AGBL2: variants seen among roughly 807,000 people sequenced by gnomAD.
AGBL2 encodes AGBL carboxypeptidase 2, also known as cytosolic carboxypeptidase 2.
In AGBL2, 87 loss-of-function variants were observed where a neutral mutation model predicts 103.0. The ratio of observed to expected loss-of-function variants is 0.84; its 90% CI spans 0.71 to 1.01. The LOEUF is 1.01. Ranked by LOEUF, AGBL2 falls within the 50% of genes least tolerant of loss-of-function variation. The pLI, the probability that AGBL2 is intolerant of heterozygous loss-of-function variation, is 0.00. For synonymous variants in AGBL2, 335 were observed against 356.7 expected (o/e 0.94, Z 0.69); for missense variants, 904 against 1,023.5 (o/e 0.88, Z 1.59).
At chr11:47,712,452 A>T (rs1163537536) in intron 3 of AGBL2, among the ~76,000 whole-genome samples, 1 of 152,242 alleles carries the variant, frequency 6.6e-6, no homozygotes, top group East Asian at 1.9e-4. Flanking sequence ...AATATGAAGT[A>T]TTATGAAAAA....
At position 47,679,058 on chromosome 11, in the gene AGBL2, CAAAAAAAAAAAAA is replaced by C. The variant is rs56307962; in HGVS notation, c.2016+902_2016+914del. On this transcript the variant is annotated intron_variant, in intron 13 of 18. Coordinates refer to ENST00000525123, the MANE Select transcript of AGBL2 (RefSeq NM_024783.4). The stretch of plus-strand genomic sequence containing the variant: ...TGGGCGACAGATGGAGACCCTGTCT[CAAAAAAAAAAAAA>C]AAAAAAAAAAAAAAAAAAGAAAAGA... Among the ~76,000 whole-genome samples the C allele has an allele frequency of 1.1e-3, 30 of 28,200 alleles. 1 individual carries two copies. The highest frequency in any genetic ancestry group is 6.7e-3 in the African/African-American group (30 of 4,446). 18.5% of individuals were successfully genotyped at this position (28,200 alleles called of 152,430 possible). A position where few individuals can be genotyped will look rare whatever the true frequency, so the allele number is the denominator to read the frequency against.
rs759509350 is a variant in AGBL2 at position 47,690,138 on chromosome 11, A to G, written c.1569T>C (p.His523=). Residue 523 remains histidine (H), a synonymous_variant, in exon 10 of 19, where the codon CAT becomes CAC. Transcript: ENST00000525123. The part of the protein sequence containing the change: ...CSLAGRDLNR[H]YKTILKESFP... Reference sequence around the variant, plus strand: ...AAGACTCCTTCAGAATGGTTTTATAATGCCTGTTCAAATCCCTTCCGGCCA... The same window carrying G: ...AAGACTCCTTCAGAATGGTTTTATAGTGCCTGTTCAAATCCCTTCCGGCCA... 6.2e-7 allele frequency: 1 copy of G among 1,614,010 alleles called. No homozygotes were observed. Among genetic ancestry groups the G allele is most frequent in the Non-Finnish European group, 8.5e-7 (1 of 1,179,982 alleles).
chr11:47,714,400 A>C, intron 2 of AGBL2, 53 bp from the exon 3 acceptor site: 2 of 1,548,256 alleles, frequency 1.3e-6, no homozygotes, highest in Non-Finnish European at 1.8e-6. Context: ...ACCATAATAG[A>C]CTCAACAAAA....
Position 47,690,457 on chromosome 11 carries a change from G to C in AGBL2, c.1250C>G (p.Ser417Cys). 1 of 1,614,160 alleles carries C rather than the reference G, an allele frequency of 6.2e-7. No individual in the cohort carries two copies. The highest frequency in any genetic ancestry group is 8.5e-7 in the Non-Finnish European group (1 of 1,180,044). ...TAAAGTTTGGAGCTTGCAGAACTGA[G>C]ACTGGATAGGGTTGTTTGCCACTGA... ...LLSVANNPIQ[S>C]QFCKLQTLCR... The change falls in exon 10 of 19, where the codon TCT becomes TGT. Residue 417 changes from serine to cysteine, a missense_variant. Ser to Cys is a moderately radical substitution (Grantham distance 112). Coordinates refer to ENST00000525123, the MANE Select transcript of AGBL2 (RefSeq NM_024783.4).
At chr11:47,667,293 C>T (rs1174665285) in intron 16 of AGBL2, among the ~76,000 whole-genome samples, 1 of 152,188 alleles carries the variant, frequency 6.6e-6, no homozygotes, top group African/African-American at 2.4e-5. Flanking sequence ...TAGCCACTAC[C>T]ATTCCAGTAT....
At chr11:47,683,861 C>T (rs574044839) in intron 11 of AGBL2, among the ~76,000 whole-genome samples, 3 of 146,922 alleles carry the variant, frequency 2.0e-5, no homozygotes, top group Admixed American at 1.4e-4. Context: ...GGTGGTGAGG[C>T]GGGAGAGTTG....
chr11:47,713,835 C>T (rs912644063), intron 3 of AGBL2, among the ~76,000 whole-genome samples: 2 of 151,920 alleles, frequency 1.3e-5, no homozygotes, highest in East Asian at 2.0e-4. Context: ...GTGCTCCACC[C>T]GTCTCGGCCT....
intron 11 of AGBL2, among the ~76,000 whole-genome samples, chr11:47,685,458 G>A (rs1249290164): frequency 4.0e-5 from 6 of 150,850 alleles, no homozygotes; most frequent in African/African-American, 1.5e-4. Flanking sequence ...TTCTGCTCTT[G>A]TTGCCCAGGC....
At chr11:47,668,934 G>A (rs2097349074) in intron 14 of AGBL2, 27 bp from the exon 15 acceptor site, 1 of 1,534,806 alleles carries the variant, frequency 6.5e-7, no homozygotes, top group Admixed American at 1.7e-5. Flanking sequence ...AAAAGAAGAG[G>A]AAATAACTGT....
intron 14 of AGBL2, among the ~76,000 whole-genome samples, chr11:47,675,375 G>GT (rs34044161): frequency 0.5 from 27,469 of 55,300 alleles, 9,958 homozygotes; most frequent in Admixed American, 0.57. Context: ...CCCCTGCTAA[G>GT]TTTTTTTTTT....
intron 14 of AGBL2, among the ~76,000 whole-genome samples, chr11:47,674,163 G>C (rs2097366542): frequency 6.6e-6 from 1 of 152,112 alleles, no homozygotes; most frequent in African/African-American, 2.4e-5. Context: ...GGCAATAAAT[G>C]CTATGGAAAA....
At chr11:47,712,022 G>A (rs769739492) in intron 3 of AGBL2, among the ~76,000 whole-genome samples, 15 of 152,294 alleles carry the variant, frequency 9.8e-5, no homozygotes, top group Middle Eastern at 3.4e-3. Context: ...GCAATGAGCT[G>A]TGATTGCAAC....
chr11:47,699,418 C>T (rs1422478821), intron 8 of AGBL2, 28 bp downstream of exon 8: 1 of 1,136,354 alleles, frequency 8.8e-7, no homozygotes, highest in Non-Finnish European at 1.3e-6. Context: ...CATGATTAAC[C>T]ATTCATTGTT....
At chr11:47,700,655 T>C (rs560232827) in intron 7 of AGBL2, among the ~76,000 whole-genome samples, 9 of 152,320 alleles carry the variant, frequency 5.9e-5, no homozygotes, top group South Asian at 2.1e-4. Context: ...CTTTTCAATA[T>C]CATTTTTAGA....
intron 18 of AGBL2, among the ~76,000 whole-genome samples, chr11:47,661,882 G>T (rs1000220899): frequency 6.6e-6 from 1 of 151,846 alleles, no homozygotes; most frequent in Non-Finnish European, 1.5e-5. Flanking sequence ...CCAAGTAGCT[G>T]GGACTACAGG....
intron 10 of AGBL2, among the ~76,000 whole-genome samples, chr11:47,689,006 G>A (rs2097434689): frequency 6.6e-6 from 1 of 152,108 alleles, no homozygotes; most frequent in Non-Finnish European, 1.5e-5. Flanking sequence ...AAAGTGCTGG[G>A]ATTACAGGTG....
intron 13 of AGBL2, 68 bp downstream of exon 13, chr11:47,679,904 AG>A: frequency 9.8e-7 from 1 of 1,017,676 alleles, no homozygotes; most frequent in Non-Finnish European, 1.5e-6. Context: ...AGCCTCCCAA[AG>A]TGCTAGGATT....
rs201491938 is a variant in AGBL2, at chr11:47,690,407, C to T, written c.1300G>A (p.Val434Ile). 34 of 1,614,066 alleles carry T rather than the reference C, an allele frequency of 2.1e-5. No homozygotes were observed. The highest frequency in any genetic ancestry group is 5.0e-5 in the Admixed American group (3 of 59,976). Reference sequence around the variant, plus strand: ...GGGTTGGTGATGGTGAGCAAGTAAACGGTATTTCCTGCTAGGCTCCTGCAT... The same window carrying T: ...GGGTTGGTGATGGTGAGCAAGTAAATGGTATTTCCTGCTAGGCTCCTGCAT... ...TLCRSLAGNT[V>I]YLLTITNPSQ... Residue 434 changes from valine to isoleucine, a missense_variant, in exon 10 of 19, where the codon GTT becomes ATT. Physicochemically the swap from Val to Ile is conservative, Grantham distance 29. Coordinates refer to ENST00000525123, the MANE Select transcript of AGBL2 (RefSeq NM_024783.4).
At chr11:47,703,884 C>T (rs917616308) in intron 7 of AGBL2, among the ~76,000 whole-genome samples, 4 of 144,336 alleles carry the variant, frequency 2.8e-5, no homozygotes, top group Admixed American at 1.4e-4. Context: ...GAGCTCATGC[C>T]ATTGCACTCC....
Sources: allele counts gnomAD v4.1 joint callset (sites outside exome capture counted in the v4.1 genomes callset), GRCh38; gene constraint gnomAD v4.1.1; transcripts MANE v1.5; gene names NCBI Gene and HGNC (gene_info 2026-07-23, HGNC 2026-07-21).